Variants in PDZK1 observed in about 807,000 individuals in gnomAD.
PDZK1 encodes the protein Na(+)/H(+) exchange regulatory cofactor NHE-RF3.
PDZK1 carries 23 observed loss-of-function variants against 38.1 expected under a neutral mutation model. The observed-to-expected ratio is 0.60, with a 90% CI of 0.43 to 0.85. The LOEUF (loss-of-function observed/expected upper bound fraction) is 0.85. Among genes scored for constraint, PDZK1 ranks in the 40% least tolerant of loss-of-function variants. The pLI is 0.00. For missense variants in PDZK1, 297 were observed against 504.3 expected (o/e 0.59, Z 3.94); for synonymous variants, 98 against 186.2 (o/e 0.53, Z 3.86).
At chr1:145,702,648 C>T (rs1380519139) in intron 1 of PDZK1, among the ~76,000 whole-genome samples, 1 of 152,178 alleles carries the variant, frequency 6.6e-6, no homozygotes, top group Non-Finnish European at 1.5e-5. Context: ...AATCCCAGCA[C>T]TTTGGGAGGC....
intron 1 of PDZK1, among the ~76,000 whole-genome samples, chr1:145,694,297 G>C (rs367582096): frequency 6.6e-6 from 1 of 152,194 alleles, no homozygotes; most frequent in South Asian, 2.1e-4. Flanking sequence ...ATGAGTGATG[G>C]TTGCCAGATT....
chr1:145,685,050 GACAA>G (rs1337350291), intron 3 of PDZK1, among the ~76,000 whole-genome samples: 1 of 152,096 alleles, frequency 6.6e-6, no homozygotes, highest in Non-Finnish European at 1.5e-5. Context: ...GGAGATGCTA[GACAA>G]ACAGAGGATT....
chr1:145,679,921 C>T (rs1370011877), intron 5 of PDZK1, among the ~76,000 whole-genome samples: 4 of 152,350 alleles, frequency 2.6e-5, no homozygotes, highest in East Asian at 1.9e-4. Context: ...GCCAATTAAA[C>T]TGTGCCAGTG....
chr1:145,675,805 T>A (rs1371940061), intron 6 of PDZK1, among the ~76,000 whole-genome samples: 1 of 151,386 alleles, frequency 6.6e-6, no homozygotes, highest in Non-Finnish European at 1.5e-5. Context: ...TCACTTGAGG[T>A]CAGGAGTTCG....
chr1:145,680,509 G>A (rs1311568872), intron 5 of PDZK1, among the ~76,000 whole-genome samples: 6 of 151,794 alleles, frequency 4.0e-5, no homozygotes, highest in African/African-American at 7.3e-5. Flanking sequence ...GGCTCACACC[G>A]GCTCACAAAA....
chr1:145,699,700 G>C (rs147490994), intron 1 of PDZK1, among the ~76,000 whole-genome samples: 2 of 152,276 alleles, frequency 1.3e-5, no homozygotes, highest in Non-Finnish European at 2.9e-5. Flanking sequence ...AATTCTAAAG[G>C]AGCCAGATGT....
chr1:145,705,545 C>T (rs1656196656), intron 1 of PDZK1, among the ~76,000 whole-genome samples: 1 of 152,096 alleles, frequency 6.6e-6, no homozygotes, highest in African/African-American at 2.4e-5. Context: ...CAGGATCTAC[C>T]TTATACTTGG....
Position 145,703,003 on chromosome 1 carries a change from C to A in PDZK1, c.-3+4314G>T, listed in dbSNP as rs1211311664. 2.6e-5 allele frequency among the ~76,000 whole-genome samples: 4 copies of A among 152,222 alleles called. No homozygotes were observed. In the East Asian group the frequency reaches 7.7e-4, roughly 29 times the overall value. On this transcript the variant is annotated intron_variant, in intron 1 of 8. Coordinates refer to ENST00000417171, the MANE Select transcript of PDZK1 (RefSeq NM_001201325.2). ...GCCCCAATTGGTCTATGCATGGTCACCCACACGAGCCTGCCCTTTGCTCAT... is the reference window on the plus strand; with the variant it reads ...GCCCCAATTGGTCTATGCATGGTCAACCACACGAGCCTGCCCTTTGCTCAT...
intron 1 of PDZK1, among the ~76,000 whole-genome samples, chr1:145,700,735 A>C (rs1655911251): frequency 6.6e-6 from 1 of 152,222 alleles, no homozygotes; most frequent in Non-Finnish European, 1.5e-5. Context: ...TGGGACTTAG[A>C]AGTGGCAGGA....
At chr1:145,704,077 C>T (rs1656120379) in intron 1 of PDZK1, among the ~76,000 whole-genome samples, 1 of 150,474 alleles carries the variant, frequency 6.6e-6, no homozygotes, top group South Asian at 2.1e-4. Context: ...GATCCACCCT[C>T]CTCAGCCTCC....
chr1:145,700,207 A>G (rs1388813420), intron 1 of PDZK1, among the ~76,000 whole-genome samples: 4 of 152,194 alleles, frequency 2.6e-5, no homozygotes, highest in Non-Finnish European at 5.9e-5. Context: ...CTGAAAAGTC[A>G]GGGCTGGAGA....
In PDZK1 at chr1:145,671,198, A is replaced by C. The variant is rs1652990590; in HGVS notation, c.*238T>G. ...GTTGAAGCTTGGAAAAGATCACATG[A>C]AAAAAATCTAGCTCTTGCCTTATCT... On this transcript the variant is annotated 3_prime_UTR_variant, in exon 9 of 9. Transcript: ENST00000417171. 9.1e-7 allele frequency: 1 copy of C among 1,095,116 alleles called. No individual in the cohort carries two copies. Among genetic ancestry groups the C allele is most frequent in the Admixed American group, 3.5e-5 (1 of 28,414 alleles). 67.8% of individuals were successfully genotyped at this position (1,095,116 alleles called of 1,614,324 possible). A position where few individuals can be genotyped will look rare whatever the true frequency, so the allele number is the denominator to read the frequency against.
rs1163702563 is a variant in PDZK1 at position 145,706,471 on chromosome 1, C to T, written c.-3+846G>A. The stretch of plus-strand genomic sequence containing the variant: ...TTCTAGATACAAGACTGAAAGCTGC[C>T]CTGGTGACACATTGCAGAGATTTTA... On this transcript the variant is annotated intron_variant, in intron 1 of 8. Coordinates refer to ENST00000417171, the MANE Select transcript of PDZK1 (RefSeq NM_001201325.2). Among the ~76,000 whole-genome samples, 3 of 152,096 alleles carry T rather than the reference C, an allele frequency of 2.0e-5. No individual in the cohort carries two copies. The South Asian group carries it at 6.2e-4, about 32-fold the overall frequency.
chr1:145,699,017 C>T (rs1190137008), intron 1 of PDZK1, among the ~76,000 whole-genome samples: 1 of 151,604 alleles, frequency 6.6e-6, no homozygotes, highest in Non-Finnish European at 1.5e-5. Context: ...GCAGGCGGAT[C>T]ACCTGAGGTC....
intron 1 of PDZK1, among the ~76,000 whole-genome samples, chr1:145,705,941 CG>C (rs757432757): frequency 5.9e-5 from 9 of 151,970 alleles, no homozygotes; most frequent in Non-Finnish European, 1.5e-5. Context: ...TTTGTAGAGA[CG>C]GGGGTCTCAC....
intron 1 of PDZK1, among the ~76,000 whole-genome samples, chr1:145,700,049 G>A (rs980526652): frequency 3.3e-5 from 5 of 152,174 alleles, no homozygotes; most frequent in Non-Finnish European, 7.3e-5. Flanking sequence ...CCCATTTTCT[G>A]TGAGAATATT....
chr1:145,697,125 C>G (rs1655671782), intron 1 of PDZK1, among the ~76,000 whole-genome samples: 1 of 152,124 alleles, frequency 6.6e-6, no homozygotes, highest in Non-Finnish European at 1.5e-5. Flanking sequence ...GTTAGGAGTT[C>G]AAGACCAGCC....
intron 4 of PDZK1, among the ~76,000 whole-genome samples, chr1:145,682,099 T>C (rs1654324442): frequency 1.2e-5 from 1 of 86,180 alleles, no homozygotes; most frequent in Non-Finnish European, 2.2e-5. Context: ...TCCCAGCTAC[T>C]CAGGAAGCTG....
At chr1:145,679,459 C>G (rs587598888) in intron 5 of PDZK1, among the ~76,000 whole-genome samples, 1 of 152,262 alleles carries the variant, frequency 6.6e-6, no homozygotes, top group South Asian at 2.1e-4. Flanking sequence ...TTCCTCTACC[C>G]TGAATGCAGT....
Sources: allele counts gnomAD v4.1 joint callset (sites outside exome capture counted in the v4.1 genomes callset), GRCh38; gene constraint gnomAD v4.1.1; transcripts MANE v1.5; gene names NCBI Gene and HGNC (gene_info 2026-07-23, HGNC 2026-07-21).